STAU2: variants seen among roughly 807,000 people sequenced by gnomAD.
STAU2 encodes staufen double-stranded RNA binding protein 2.
STAU2 carries 20 observed loss-of-function variants against 65.9 expected under a neutral mutation model. That is an observed-to-expected ratio of 0.30 (90% CI 0.21 to 0.44). The LOEUF (loss-of-function observed/expected upper bound fraction) is 0.44, where lower values mean the gene tolerates loss of function less well. STAU2 is among the 20% of genes least tolerant of loss of function. The pLI is 1.00. For synonymous variants in STAU2, 232 were observed against 233.9 expected, an observed-to-expected ratio of 0.99 and a Z score of 0.07; for missense variants, 558 against 683.9, an observed-to-expected ratio of 0.82 and a Z score of 2.05.
chr8:73,688,056 T>C (rs1418397356), intron 5 of STAU2, among the ~76,000 whole-genome samples: 3 of 151,990 alleles, frequency 2.0e-5, no homozygotes, highest in Non-Finnish European at 4.4e-5. Context: ...TCAAATTTTC[T>C]GTGCTTTGTA....
At chr8:73,471,619 G>A (rs1820022187) in intron 13 of STAU2, among the ~76,000 whole-genome samples, 1 of 151,450 alleles carries the variant, frequency 6.6e-6, no homozygotes, top group African/African-American at 2.4e-5. Context: ...AGGAGTTTGA[G>A]AACAGCCTGG....
At chr8:73,549,255 A>G (rs974434323) in intron 13 of STAU2, among the ~76,000 whole-genome samples, 2 of 152,182 alleles carry the variant, frequency 1.3e-5, no homozygotes, top group Non-Finnish European at 2.9e-5. Flanking sequence ...TAAAACATTT[A>G]AAAGAATATA....
chr8:73,734,014 T>C (rs757021180), intron 3 of STAU2, among the ~76,000 whole-genome samples: 17 of 152,158 alleles, frequency 1.1e-4, no homozygotes, highest in Non-Finnish European at 2.2e-4. Flanking sequence ...AAGGGCTTGG[T>C]TAAATTTTAG....
chr8:73,517,323 G>A (rs1031707924), intron 13 of STAU2, among the ~76,000 whole-genome samples: 1 of 152,178 alleles, frequency 6.6e-6, no homozygotes, highest in African/African-American at 2.4e-5. Context: ...AATTCAGGAG[G>A]CTGAAGTGGG....
At chr8:73,437,974 C>A (rs916867256) in intron 13 of STAU2, among the ~76,000 whole-genome samples, 2 of 152,152 alleles carry the variant, frequency 1.3e-5, no homozygotes, top group African/African-American at 2.4e-5. Context: ...TCCTTTCTGT[C>A]CCTCTGCTGG....
rs190679153 is a variant in STAU2 at position 73,438,796 on chromosome 8, G to T, written c.1531-16094C>A. ...TACTCAGGGTTAGGCCCGCTAACGG[G>T]GACAAGGCCACATAGGTAAACAGCA... On this transcript the variant is annotated intron_variant, in intron 13 of 14. Coordinates refer to ENST00000524300, the MANE Select transcript of STAU2 (RefSeq NM_001164380.2). The T allele has an allele frequency of 1.3e-5, 5 of 376,980 alleles. No homozygotes were observed. In the East Asian group the frequency reaches 3.6e-4, roughly 27 times the overall value. 23.4% of individuals were successfully genotyped at this position (376,980 alleles called of 1,614,324 possible).
At chr8:73,711,352 T>C (rs896041168) in intron 3 of STAU2, among the ~76,000 whole-genome samples, 2 of 151,970 alleles carry the variant, frequency 1.3e-5, no homozygotes, top group Admixed American at 1.3e-4. Flanking sequence ...TTGCATACCA[T>C]TGCATGAATT....
intron 13 of STAU2, among the ~76,000 whole-genome samples, chr8:73,545,733 C>T (rs994043534): frequency 2.0e-5 from 3 of 151,548 alleles, no homozygotes; most frequent in East Asian, 1.9e-4. Flanking sequence ...CTGCAAGCTC[C>T]GCCTCTTGGG....
intron 13 of STAU2, among the ~76,000 whole-genome samples, chr8:73,474,169 C>T (rs1043548479): frequency 6.6e-6 from 1 of 152,108 alleles, no homozygotes; most frequent in East Asian, 1.9e-4. Flanking sequence ...AACAAAAAAA[C>T]CCACAAAACC....
At chr8:73,592,353 T>C (rs1021767803) in intron 11 of STAU2, among the ~76,000 whole-genome samples, 1 of 152,016 alleles carries the variant, frequency 6.6e-6, no homozygotes, top group Non-Finnish European at 1.5e-5. Flanking sequence ...AAAAAGGGAA[T>C]GTTATAAACA....
At chr8:73,617,554 C>CCTG in intron 6 of STAU2, 103 bp from the exon 7 acceptor site, 1 of 1,161,300 alleles carries the variant, frequency 8.6e-7, no homozygotes, top group Non-Finnish European at 1.2e-6. Flanking sequence ...ATGTGCTATA[C>CCTG]TCTTAATAAA....
At chr8:73,565,946 T>A (rs189323341) in intron 12 of STAU2, among the ~76,000 whole-genome samples, 10 of 152,334 alleles carry the variant, frequency 6.6e-5, no homozygotes. Flanking sequence ...AAGAACTTAC[T>A]GGATTTAATT....
At chr8:73,484,415 C>T (rs188687466) in intron 13 of STAU2, among the ~76,000 whole-genome samples, 1 of 152,146 alleles carries the variant, frequency 6.6e-6, no homozygotes, top group African/African-American at 2.4e-5. Context: ...TAGAGGTCAG[C>T]TTGGTGGATC....
chr8:73,654,876 G>A (rs1162848524), intron 6 of STAU2, among the ~76,000 whole-genome samples: 1 of 151,542 alleles, frequency 6.6e-6, no homozygotes, highest in Non-Finnish European at 1.5e-5. Flanking sequence ...TAGTAGAGAC[G>A]GGGTTTCACC....
intron 13 of STAU2, among the ~76,000 whole-genome samples, chr8:73,456,220 G>A (rs1404101174): frequency 6.6e-6 from 1 of 152,204 alleles, no homozygotes; most frequent in East Asian, 1.9e-4. Context: ...TGTGCCGCAG[G>A]AGATTAGGCA....
At chr8:73,446,718 T>A (rs776830448) in intron 13 of STAU2, among the ~76,000 whole-genome samples, 4 of 152,132 alleles carry the variant, frequency 2.6e-5, no homozygotes, top group Non-Finnish European at 5.9e-5. Flanking sequence ...CAAGTGATCC[T>A]CCTGTCTTGG....
At chr8:73,569,267 G>T (rs890815785) in intron 12 of STAU2, among the ~76,000 whole-genome samples, 9 of 152,058 alleles carry the variant, frequency 5.9e-5, no homozygotes. Context: ...GGGGAGGGCC[G>T]TCCGCCATTG....
intron 6 of STAU2, chr8:73,651,299 G>A: frequency 1.5e-6 from 1 of 674,226 alleles, no homozygotes; most frequent in Non-Finnish European, 2.7e-6. Context: ...TGTCCACACA[G>A]CCTTCACCAC....
chr8:73,741,304 C>CAAAAAAAAAAAAAAAAAAAA (rs761906073), intron 1 of STAU2, among the ~76,000 whole-genome samples: 1 of 112,108 alleles, frequency 8.9e-6, no homozygotes, highest in Non-Finnish European at 1.7e-5. Flanking sequence ...GACTCCGTCT[C>CAAAAAAAAAAAAAAAAAAAA]AAAAAAAAAA....
Sources: gnomAD v4.1 joint callset for allele counts (sites outside exome capture counted in the v4.1 genomes callset) on GRCh38, gnomAD v4.1.1 for gene constraint, MANE v1.5 for transcripts, NCBI Gene and HGNC (gene_info 2026-07-23, HGNC 2026-07-21) for gene names.